Variants in NCOA6 observed in about 807,000 individuals in gnomAD.
The protein encoded by NCOA6 is nuclear receptor coactivator 6.
Under a neutral mutation model 171.4 loss-of-function variants are expected in NCOA6, and 49 were observed. The ratio of observed to expected loss-of-function variants is 0.29; its 90% confidence interval spans 0.23 to 0.36. The LOEUF is 0.36. Ranked by LOEUF, NCOA6 falls within the 10% of genes least tolerant of loss-of-function variation. NCOA6 has a pLI of 1.00. For missense variants in NCOA6, 2,248 were observed against 2,554.5 expected, an observed-to-expected ratio of 0.88 and a Z score of 2.59; for synonymous variants, 910 against 927.5, an observed-to-expected ratio of 0.98 and a Z score of 0.34.
Position 34,757,667 on chromosome 20 carries a change from G to A in NCOA6, c.1081C>T (p.Pro361Ser), listed in dbSNP as rs1466083691. 2 of 1,614,178 alleles carry A rather than the reference G, an allele frequency of 1.2e-6. No individual in the cohort carries two copies. Among genetic ancestry groups the A allele is most frequent in the East Asian group, 2.2e-5 (1 of 44,884 alleles). Residue 361 changes from proline to serine, a missense_variant, in exon 7 of 15, where the codon CCA (proline) becomes TCA (serine). Physicochemically the swap from Pro to Ser is moderately conservative, Grantham distance 74 (BLOSUM62 -1). Transcript: ENST00000359003. ...GPMQQQLQAR[P>S]SLATVQTPSH... ...GGCGTCTGTACCGTGGCTAAGGATG[G>A]TCTTGCCTGGAGTTGCTGTTGCATT... is the stretch of plus-strand genomic sequence containing the variant.
At chr20:34,726,252 C>G (rs184712565) in intron 14 of NCOA6, among the ~76,000 whole-genome samples, 2 of 152,250 alleles carry the variant, frequency 1.3e-5, no homozygotes, top group East Asian at 3.9e-4. Context: ...TGAGGAAGGA[C>G]AGCTGCTCTA....
intron 1 of NCOA6, among the ~76,000 whole-genome samples, chr20:34,802,397 C>T (rs1462253528): frequency 2.6e-5 from 4 of 152,078 alleles, no homozygotes; most frequent in Admixed American, 6.6e-5. Context: ...GTTAGGAGAT[C>T]GAGACCATCC....
chr20:34,718,002 C>A (rs1988815388), intron 14 of NCOA6, among the ~76,000 whole-genome samples: 1 of 152,102 alleles, frequency 6.6e-6, no homozygotes. Context: ...TGCTTGTTCC[C>A]ATTTGTCACT....
intron 13 of NCOA6, 117 bp downstream of exon 13, chr20:34,732,442 G>A: frequency 1.1e-6 from 1 of 939,126 alleles, no homozygotes; most frequent in South Asian, 1.6e-5. Context: ...AAACAGACTG[G>A]TGCAAGAGTG....
chr20:34,757,123 C>A, intron 7 of NCOA6, 97 bp downstream of exon 7: 2 of 1,299,742 alleles, frequency 1.5e-6, no homozygotes, highest in African/African-American at 3.0e-5. Context: ...ATAATTATAT[C>A]CTTACTCCAC....
chr20:34,811,019 G>A (rs1206229760), intron 1 of NCOA6, among the ~76,000 whole-genome samples: 1 of 151,338 alleles, frequency 6.6e-6, no homozygotes, highest in Non-Finnish European at 1.5e-5. Context: ...GCATTGCAGA[G>A]TGGGTTTTAG....
chr20:34,794,992 T>C (rs530335747), intron 1 of NCOA6, among the ~76,000 whole-genome samples: 7 of 152,256 alleles, frequency 4.6e-5, no homozygotes, highest in African/African-American at 1.4e-4. Flanking sequence ...ATTCTGAAGA[T>C]TGATAATTAA....
At chr20:34,797,746 G>A (rs1162035071) in intron 1 of NCOA6, among the ~76,000 whole-genome samples, 3 of 151,960 alleles carry the variant, frequency 2.0e-5, no homozygotes, top group African/African-American at 7.3e-5. Flanking sequence ...AAATTAGCTG[G>A]GCGTGGTGGT....
Position 34,746,850 on chromosome 20 carries a change from A to C in NCOA6, c.2871T>G (p.Asp957Glu), listed in dbSNP as rs138561371. The C allele has an allele frequency of 3.4e-5, 55 of 1,608,308 alleles. No individual in the cohort carries two copies. Among genetic ancestry groups the C allele is most frequent in the Non-Finnish European group, 4.3e-5 (51 of 1,176,866 alleles). The change falls in exon 10 of 15, where the codon GAT becomes GAG. Residue 957 changes from aspartate (D) to glutamate (E), a missense_variant. Asp to Glu is a conservative substitution (Grantham distance 45). Around this residue, in one of 7 missense-constraint regions of NCOA6, gnomAD observed 352 missense variants for 419.1 expected, o/e 0.84. Transcript: ENST00000359003. ...PLPGEQGINL[D>E]NSGPKLPEFS... ...ATTCTGGCAGTTTAGGGCCTGAGTT[A>C]TCCAAGTTAATTCCTTGTTCTCCAG... is the stretch of plus-strand genomic sequence containing the variant.
intron 3 of NCOA6, among the ~76,000 whole-genome samples, chr20:34,776,973 T>C (rs1317677347): frequency 6.6e-6 from 1 of 151,864 alleles, no homozygotes; most frequent in Admixed American, 6.6e-5. Context: ...AAAAATTTGC[T>C]GGGCATGGTG....
At chr20:34,793,778 C>T (rs1366709677) in intron 1 of NCOA6, among the ~76,000 whole-genome samples, 1 of 151,948 alleles carries the variant, frequency 6.6e-6, no homozygotes, top group African/African-American at 2.4e-5. Context: ...GAACAAATCT[C>T]CCTATATAGA....
chr20:34,789,306 C>T (rs2077789180), intron 2 of NCOA6, among the ~76,000 whole-genome samples: 1 of 152,130 alleles, frequency 6.6e-6, no homozygotes, highest in African/African-American at 2.4e-5. Context: ...AAATAATTTA[C>T]CTTTAGAAAA....
Position 34,715,357 on chromosome 20 carries a change from T to C in NCOA6, c.6157A>G (p.Ser2053Gly), listed in dbSNP as rs1568692550. The C allele has an allele frequency of 5.0e-6, 8 of 1,612,852 alleles. No individual in the cohort carries two copies. Among genetic ancestry groups the C allele is most frequent in the Non-Finnish European group, 6.8e-6 (8 of 1,178,904 alleles). Residue 2053 changes from serine to glycine, a missense_variant, in exon 15 of 15, where the codon AGT becomes GGT. Coordinates refer to ENST00000359003, the MANE Select transcript of NCOA6 (RefSeq NM_014071.5). ...TTTCTTCGCTTGGATTGCACCGCAC[T>C]GGTTATGTCTGTGGGGGAAAGAAAG... is the stretch of plus-strand genomic sequence containing the variant. ...SASSSTKDIT[S>G]AVQSKRRKSK
intron 1 of NCOA6, among the ~76,000 whole-genome samples, chr20:34,818,234 A>T (rs1490833435): frequency 2.0e-5 from 3 of 152,216 alleles, no homozygotes; most frequent in Non-Finnish European, 2.9e-5. Context: ...TTGTGCCTAT[A>T]ATCCTAGCAA....
chr20:34,812,297 T>G (rs1296359867), intron 1 of NCOA6, among the ~76,000 whole-genome samples: 2 of 151,630 alleles, frequency 1.3e-5, no homozygotes, highest in African/African-American at 4.8e-5. Flanking sequence ...ATGCTTATTC[T>G]CAGATCTGGG....
intron 5 of NCOA6, among the ~76,000 whole-genome samples, chr20:34,767,848 G>A (rs2077028565): frequency 6.6e-6 from 1 of 152,120 alleles, no homozygotes; most frequent in Non-Finnish European, 1.5e-5. Flanking sequence ...CCTTGACCCT[G>A]GGCAAATCAC....
chr20:34,721,264 A>AAAAAAAAAAAAAAAC (rs1568703004), intron 14 of NCOA6, among the ~76,000 whole-genome samples: 1 of 133,344 alleles, frequency 7.5e-6, no homozygotes, highest in African/African-American at 2.8e-5. Flanking sequence ...AAAAAAAAAA[A>AAAAAAAAAAAAAAAC]AAACAACCCG....
chr20:34,802,352 A>T (rs927569912), intron 1 of NCOA6, among the ~76,000 whole-genome samples: 1 of 152,238 alleles, frequency 6.6e-6, no homozygotes, highest in Non-Finnish European at 1.5e-5. Flanking sequence ...CTGTAATCCC[A>T]GCACTTTGGG....
intron 14 of NCOA6, among the ~76,000 whole-genome samples, chr20:34,723,066 G>A (rs1031292436): frequency 6.6e-6 from 1 of 152,128 alleles, no homozygotes; most frequent in Non-Finnish European, 1.5e-5. Context: ...TGGTAAACAT[G>A]TTTCCCTGAG....
Sources: gnomAD v4.1 joint callset for allele counts (sites outside exome capture counted in the v4.1 genomes callset) on GRCh38, gnomAD v4.1.1 for gene constraint, gnomAD v4.1.1 regional missense constraint, MANE v1.5 for transcripts, NCBI Gene and HGNC (gene_info 2026-07-23, HGNC 2026-07-21) for gene names.